The following CYP3A7 variants were observed in gnomAD, a reference collection of about 807,000 sequenced individuals.
CYP3A7 encodes the protein cytochrome P450 family 3 subfamily A member 7.
In CYP3A7, 45 loss-of-function variants were observed where a neutral mutation model predicts 55.2. The observed-to-expected ratio is 0.82, with a 90% CI of 0.64 to 1.05. The LOEUF (loss-of-function observed/expected upper bound fraction) is 1.05. Among genes scored for constraint, CYP3A7 ranks in the 50% least tolerant of loss-of-function variants. The pLI is 0.00. For missense variants in CYP3A7, 548 were observed against 605.3 expected (o/e 0.91, Z 0.99); for synonymous variants, 180 against 207.4 (o/e 0.87, Z 1.13).
At position 99,707,944 on chromosome 7, in the gene CYP3A7, A is replaced by T. The variant is rs1813585873; in HGVS notation, c.1284T>A (p.Asp428Glu). The T allele has an allele frequency of 6.2e-7, 1 of 1,613,856 alleles. No individual in the cohort carries two copies. Residue 428 changes from aspartate to glutamate, a missense_variant, in exon 12 of 13, where the codon GAT becomes GAA. Physicochemically the swap from Asp to Glu is conservative, Grantham distance 45. Transcript: ENST00000336374. ...RFSKKNKDNI[D>E]PYIYTPFGSG... ...TTCCAAAGGGTGTGTATATGTAAGG[A>T]TCTATGTTGTCCTTGTTCTTTTTAC...
chr7:99,712,696 A>G (rs45532337), intron 9 of CYP3A7, among the ~76,000 whole-genome samples: 15,054 of 152,246 alleles, frequency 0.099, 1,034 homozygotes, highest in African/African-American at 0.19. Flanking sequence ...AGACATGGAC[A>G]TATTTAAATC....
intron 2 of CYP3A7, among the ~76,000 whole-genome samples, chr7:99,730,244 T>G (rs777755094): frequency 2.4e-4 from 36 of 152,348 alleles, no homozygotes; most frequent in Non-Finnish European, 3.8e-4. Flanking sequence ...TTCAATAATT[T>G]TGTCAAATCA....
chr7:99,709,916 C>T (rs1813683068), intron 10 of CYP3A7, among the ~76,000 whole-genome samples: 1 of 151,948 alleles, frequency 6.6e-6, no homozygotes, highest in African/African-American at 2.4e-5. Flanking sequence ...CCTTTCTATC[C>T]CAAATATGAC....
At chr7:99,708,969 T>TAGATTA (rs1813636498) in intron 11 of CYP3A7, 66 bp downstream of exon 11, 7 of 1,562,282 alleles carry the variant, frequency 4.5e-6, no homozygotes, top group South Asian at 1.1e-5. Context: ...GACTGTCCTG[T>TAGATTA]AGAGAGGCAG....
chr7:99,705,403 G>A lies in CYP3A7; in HGVS notation c.*97C>T, dbSNP rs1184766909. 8.8e-6 allele frequency: 12 copies of A among 1,361,220 alleles called. 1 individual carries two copies. Among genetic ancestry groups the A allele is most frequent in the East Asian group, 7.1e-5 (3 of 42,476 alleles). The allele number at this position is 1,361,220 out of a possible 1,614,324, so 84.3% of individuals were successfully genotyped here. On this transcript the variant is annotated 3_prime_UTR_variant, in exon 13 of 13. Transcript: ENST00000336374. Reference sequence around the variant, plus strand: ...TTATGCAGCACATTGGATGAAGCCCGTCTTCATTTCAGGGTTCTATTTGTA... The same window carrying A: ...TTATGCAGCACATTGGATGAAGCCCATCTTCATTTCAGGGTTCTATTTGTA...
Position 99,717,642 on chromosome 7 carries a change from A to G in CYP3A7, c.319-3T>C, listed in dbSNP as rs1230643242. 1.2e-6 allele frequency: 2 copies of G among 1,613,274 alleles called. No individual in the cohort carries two copies. The highest frequency in any genetic ancestry group is 1.7e-6 in the Non-Finnish European group (2 of 1,179,606). On this transcript the variant is annotated splice_region_variant and splice_polypyrimidine_tract_variant and intron_variant, in intron 4 of 12. Coordinates refer to ENST00000336374, the MANE Select transcript of CYP3A7 (RefSeq NM_000765.5). ...ATAAATCCCACTGGCCCGAAAGGCT[A>G]GAGTTCAAAGCAGAAAGATTTTGTC... is the stretch of plus-strand genomic sequence containing the variant.
chr7:99,731,365 CT>C (rs1412134462), intron 1 of CYP3A7, among the ~76,000 whole-genome samples: 1 of 152,178 alleles, frequency 6.6e-6, no homozygotes, highest in Non-Finnish European at 1.5e-5. Context: ...CAATGATTAG[CT>C]AAAAGCAGCT....
chr7:99,733,006 A>G (rs146593529), intron 1 of CYP3A7, among the ~76,000 whole-genome samples: 2,815 of 152,296 alleles, frequency 0.018, 83 homozygotes, highest in African/African-American at 0.064. Context: ...ATATGTGGTA[A>G]AATACAACTA....
In CYP3A7 at chr7:99,714,604, G is replaced by C; in HGVS notation, c.749C>G (p.Thr250Arg). 6.2e-7 allele frequency: 1 copy of C among 1,607,650 alleles called. No homozygotes were observed. Among genetic ancestry groups the C allele is most frequent in the Non-Finnish European group, 8.5e-7 (1 of 1,176,524 alleles). Residue 250 changes from threonine to arginine, a missense_variant, in exon 8 of 13, where the codon ACA becomes AGA. Thr to Arg is a moderately conservative substitution (Grantham distance 71). Transcript: ENST00000336374. Reference sequence around the variant, plus strand: ...TTCTTTTATCTGTTTTACAGATTTTGTTAGAAAACTTATAACTTTTCTTGG... The same window carrying C: ...TTCTTTTATCTGTTTTACAGATTTTCTTAGAAAACTTATAACTTTTCTTGG... ...VFPRKVISFL[T>R]KSVKQIKEGR...
intron 9 of CYP3A7, among the ~76,000 whole-genome samples, chr7:99,713,106 C>G (rs1813817467): frequency 6.6e-6 from 1 of 152,140 alleles, no homozygotes; most frequent in South Asian, 2.1e-4. Flanking sequence ...CCATTGAAAG[C>G]AATCACAAAA....
intron 4 of CYP3A7, among the ~76,000 whole-genome samples, chr7:99,719,275 C>A (rs772622375): frequency 2.0e-5 from 3 of 152,144 alleles, no homozygotes; most frequent in Non-Finnish European, 4.4e-5. Context: ...GTATTAGAGT[C>A]ACCAGTTTGT....
At chr7:99,718,843 T>A (rs1465159844) in intron 4 of CYP3A7, among the ~76,000 whole-genome samples, 3 of 152,230 alleles carry the variant, frequency 2.0e-5, no homozygotes, top group African/African-American at 7.2e-5. Context: ...AAGCCAAGCA[T>A]GTTTCTATGT....
chr7:99,716,318 A>G (rs534373465), intron 6 of CYP3A7, among the ~76,000 whole-genome samples: 2 of 151,996 alleles, frequency 1.3e-5, no homozygotes, highest in African/African-American at 2.4e-5. Flanking sequence ...CTGACTACAG[A>G]CTCTATGCCC....
At chr7:99,706,588 A>T (rs866882990) in intron 12 of CYP3A7, among the ~76,000 whole-genome samples, 1 of 152,240 alleles carries the variant, frequency 6.6e-6, no homozygotes, top group African/African-American at 2.4e-5. Context: ...AATCAATGAC[A>T]TCTGTTCTTT....
chr7:99,721,565 T>A (rs1255278880), intron 3 of CYP3A7, among the ~76,000 whole-genome samples: 1 of 152,224 alleles, frequency 6.6e-6, no homozygotes, highest in East Asian at 1.9e-4. Context: ...CAGAACGTGA[T>A]GCTGGGAGTC....
intron 6 of CYP3A7, among the ~76,000 whole-genome samples, chr7:99,716,949 A>C (rs1180409624): frequency 6.6e-6 from 1 of 152,188 alleles, no homozygotes; most frequent in Non-Finnish European, 1.5e-5. Context: ...AATTTAACAG[A>C]TATGTAAACC....
intron 8 of CYP3A7, 67 bp downstream of exon 8, chr7:99,714,488 A>G: frequency 6.3e-7 from 1 of 1,598,160 alleles, no homozygotes. Context: ...AAGTGCACCG[A>G]TCATATGTAT....
chr7:99,733,226 C>G (rs1814694917), intron 1 of CYP3A7, among the ~76,000 whole-genome samples: 1 of 152,206 alleles, frequency 6.6e-6, no homozygotes. Context: ...TGCTTCTAAA[C>G]TTTCTACATG....
At chr7:99,729,811 C>T (rs529400129) in intron 2 of CYP3A7, among the ~76,000 whole-genome samples, 3 of 152,130 alleles carry the variant, frequency 2.0e-5, no homozygotes, top group Non-Finnish European at 4.4e-5. Context: ...TAAAACTGCC[C>T]CACCCCTATC....
Sources: gnomAD v4.1 joint callset for allele counts (sites outside exome capture counted in the v4.1 genomes callset) on GRCh38, gnomAD v4.1.1 for gene constraint, MANE v1.5 for transcripts, NCBI Gene and HGNC (gene_info 2026-07-23, HGNC 2026-07-21) for gene names.